Variants in RUBCN observed in about 807,000 individuals in gnomAD.
RUBCN encodes the protein rubicon autophagy regulator, also known as run domain Beclin-1-interacting and cysteine-rich domain-containing protein.
Under a neutral mutation model 113.2 loss-of-function variants are expected in RUBCN, and 74 were observed. The observed-to-expected ratio is 0.65, with a 90% CI of 0.54 to 0.79. The LOEUF (loss-of-function observed/expected upper bound fraction) is 0.79. Ranked by LOEUF, RUBCN falls within the 30% of genes least tolerant of loss-of-function variation. The pLI is 0.00. For missense variants in RUBCN, 1,109 were observed against 1,251.7 expected (o/e 0.89, Z 1.72); for synonymous variants, 480 against 490.0 (o/e 0.98, Z 0.27).
At chr3:197,739,234 CA>C (rs1342059259), upstream of RUBCN, among the ~76,000 whole-genome samples, 1 of 144,250 alleles carries the variant, frequency 6.9e-6, no homozygotes, top group East Asian at 2.2e-4. Context: ...CTAAAAAATA[CA>C]AAAAAATTAG....
chr3:197,703,557 A>T lies in RUBCN; in HGVS notation c.561T>A (p.Asp187Glu). 2 of 1,611,226 alleles carry T rather than the reference A, an allele frequency of 1.2e-6. No individual in the cohort carries two copies. Among genetic ancestry groups the T allele is most frequent in the Non-Finnish European group, 1.7e-6 (2 of 1,177,422 alleles). Residue 187 changes from aspartate to glutamate, a missense_variant, in exon 5 of 20, where the codon GAT becomes GAA. Physicochemically the swap from Asp to Glu is conservative, Grantham distance 45. This residue lies in a region of RUBCN where 736 missense variants were observed against 779.6 expected (regional missense o/e 0.94). Coordinates refer to ENST00000296343, the MANE Select transcript of RUBCN (RefSeq NM_014687.4). ...QNNPRLLAQI[D>E]ASMFARKHES... Reference sequence around the variant, plus strand: ...TCCTTGTCCCCTGTACCATGGACGCATCGATCTGAGCCAGGAGGCGGGGGT... The same window carrying T: ...TCCTTGTCCCCTGTACCATGGACGCTTCGATCTGAGCCAGGAGGCGGGGGT...
chr3:197,709,529 C>T (rs575131187), intron 2 of RUBCN, among the ~76,000 whole-genome samples: 3 of 152,122 alleles, frequency 2.0e-5, no homozygotes, highest in East Asian at 1.9e-4. Flanking sequence ...TACAGGCTTG[C>T]GCCACCATGC....
chr3:197,748,212 C>G (rs574415751), intron 1 of RUBCN: 4 of 152,316 alleles, frequency 2.6e-5, no homozygotes, highest in Non-Finnish European at 5.9e-5. Flanking sequence ...TCCCAAAGTG[C>G]TGGGATGACA....
At chr3:197,688,739 T>C (rs1051442279) in intron 11 of RUBCN, among the ~76,000 whole-genome samples, 2 of 152,146 alleles carry the variant, frequency 1.3e-5, no homozygotes, top group African/African-American at 4.8e-5. Context: ...TCAAACCAAC[T>C]TGGCAGACAC....
rs768074513 is a variant in RUBCN, at chr3:197,684,219, T to A, written c.1787-2A>T. The A allele has an allele frequency of 1.2e-6, 2 of 1,613,024 alleles. No homozygotes were observed. Among genetic ancestry groups the A allele is most frequent in the South Asian group, 2.2e-5 (2 of 91,054 alleles). ...CTGTGTTCCTTCTGATGTCAGCATC[T>A]ACATGGAAACCAGAGATAAGGGGAG... On this transcript the variant is annotated splice_acceptor_variant, in intron 11 of 19. Transcript: ENST00000296343. LOFTEE classifies it high-confidence loss of function.
Position 197,683,577 on chromosome 3 carries a change from C to T in RUBCN, c.1848-138G>A. 1.1e-6 allele frequency: 1 copy of T among 934,042 alleles called. No homozygotes were observed. The highest frequency in any genetic ancestry group is 1.7e-6 in the Non-Finnish European group (1 of 592,104). The allele number at this position is 934,042 out of a possible 1,614,324, so 57.9% of individuals were successfully genotyped here. A position where few individuals can be genotyped will look rare whatever the true frequency, so the allele number is the denominator to read the frequency against. On this transcript the variant is annotated intron_variant, in intron 12 of 19. Coordinates refer to ENST00000296343, the MANE Select transcript of RUBCN (RefSeq NM_014687.4). This position sits in a 1 kb window ranked among gnomAD's most constrained non-coding sequence, Gnocchi z 4.6. The stretch of plus-strand genomic sequence containing the variant: ...GCAGCACCCTGGCCTGCTCATCACC[C>T]TCACACATGGGACAGTCAAAGTCCA...
At chr3:197,708,417 T>G (rs904521492) in intron 2 of RUBCN, among the ~76,000 whole-genome samples, 1 of 152,108 alleles carries the variant, frequency 6.6e-6, no homozygotes, top group African/African-American at 2.4e-5. Flanking sequence ...ATTACAGGCG[T>G]AAGCCACCAC....
upstream of RUBCN, chr3:197,749,776 A>T: frequency 1.8e-6 from 1 of 557,174 alleles, no homozygotes; most frequent in Non-Finnish European, 3.3e-6. Context: ...GCTAGGAGCG[A>T]GTCACGGCGC....
chr3:197,712,656 C>T (rs1389550819), intron 2 of RUBCN, among the ~76,000 whole-genome samples: 1 of 152,058 alleles, frequency 6.6e-6, no homozygotes, highest in Non-Finnish European at 1.5e-5. Context: ...GTGTGTGTGT[C>T]CATATGACAA....
exon 1 of RUBCN, chr3:197,749,320 T>A (rs1728900708): frequency 3.5e-6 from 4 of 1,147,884 alleles, no homozygotes; most frequent in Non-Finnish European, 4.4e-6. Context: ...CCGTGCCAGA[T>A]GTTTTGAGAG....
At chr3:197,747,701 G>C (rs1034070282) in intron 1 of RUBCN, among the ~76,000 whole-genome samples, 1 of 152,124 alleles carries the variant, frequency 6.6e-6, no homozygotes, top group Admixed American at 6.5e-5. Context: ...GAGCAGAGAT[G>C]GTAGAAGTTA....
At chr3:197,690,454 G>C (rs891951360) in intron 11 of RUBCN, among the ~76,000 whole-genome samples, 1 of 152,130 alleles carries the variant, frequency 6.6e-6, no homozygotes, top group East Asian at 1.9e-4. Flanking sequence ...AAATACAAAA[G>C]TTCTGAGTTT....
chr3:197,745,414 G>A (rs980647807), intron 1 of RUBCN, among the ~76,000 whole-genome samples: 25 of 151,768 alleles, frequency 1.6e-4, no homozygotes, highest in African/African-American at 5.1e-4. Flanking sequence ...TCGGGAGTTC[G>A]AGACCAGCCT....
At chr3:197,696,550 A>C (rs1723022571) in intron 8 of RUBCN, among the ~76,000 whole-genome samples, 1 of 152,120 alleles carries the variant, frequency 6.6e-6, no homozygotes, top group Non-Finnish European at 1.5e-5. Context: ...AAAAATGTAG[A>C]ACTTTGGGCT....
intron 1 of RUBCN, among the ~76,000 whole-genome samples, chr3:197,735,534 T>C (rs966552586): frequency 3.3e-5 from 5 of 152,242 alleles, no homozygotes; most frequent in African/African-American, 1.2e-4. Context: ...ACCCTAAATA[T>C]GGAAGGCATC....
intron 2 of RUBCN, among the ~76,000 whole-genome samples, chr3:197,708,197 G>A (rs1724537748): frequency 6.6e-6 from 1 of 151,742 alleles, no homozygotes; most frequent in African/African-American, 2.4e-5. Flanking sequence ...GTGCAATGGT[G>A]CAATCTCGGC....
Position 197,705,300 on chromosome 3 carries a change from A to G in RUBCN, c.220-125T>C, listed in dbSNP as rs140955911. The G allele has an allele frequency of 5.9e-3, 4,982 of 842,636 alleles. 44 individuals are homozygous for G. The highest frequency in any genetic ancestry group is 0.018 in the South Asian group (1,295 of 70,302). 52.2% of individuals were successfully genotyped at this position (842,636 alleles called of 1,614,324 possible). On this transcript the variant is annotated intron_variant, in intron 2 of 19. Transcript: ENST00000296343. ...CCTTGCCTCATCAAAGGTTCTTAGC[A>G]GCAATCAAAGGATACACACAGAGGC... is the stretch of plus-strand genomic sequence containing the variant.
At chr3:197,714,651 A>G (rs759504133) in intron 2 of RUBCN, among the ~76,000 whole-genome samples, 4 of 152,162 alleles carry the variant, frequency 2.6e-5, no homozygotes, top group African/African-American at 4.8e-5. Context: ...CTTTAATACC[A>G]ATTAGTTGAT....
At position 197,701,732 on chromosome 3, in the gene RUBCN, G is replaced by A. The variant is rs1295745054; in HGVS notation, c.703C>T (p.Gln235Ter). ...SYFGSFSSLH[Q>*]SVPNNGSERR... The stretch of plus-strand genomic sequence containing the variant: ...CCTGAGCCATTGTTGGGCACGGATT[G>A]GTGGAGGCTAGAGAAGGACCCAAAG... Residue 235 changes from glutamine to a stop codon, truncating the protein, a stop_gained, in exon 6 of 20, where the codon CAA (glutamine) becomes TAA (stop). Transcript: ENST00000296343. LOFTEE classifies it high-confidence loss of function. 1.2e-6 allele frequency: 2 copies of A among 1,613,974 alleles called. No individual in the cohort carries two copies. The highest frequency in any genetic ancestry group is 1.7e-6 in the Non-Finnish European group (2 of 1,179,956).
Sources: gnomAD v4.1 joint callset for allele counts (sites outside exome capture counted in the v4.1 genomes callset) on GRCh38, gnomAD v4.1.1 for gene constraint, gnomAD v4.1.1 regional missense constraint, Gnocchi (gnomAD v3.1) non-coding constraint, MANE v1.5 for transcripts, NCBI Gene and HGNC (gene_info 2026-07-23, HGNC 2026-07-21) for gene names.